The following PRMT7 variants were observed in gnomAD, a reference collection of about 807,000 sequenced individuals.
PRMT7 encodes the protein protein arginine N-methyltransferase 7.
In PRMT7, 75 loss-of-function variants were observed where a neutral mutation model predicts 85.4. The ratio of observed to expected loss-of-function variants is 0.88; its 90% confidence interval spans 0.73 to 1.06. The LOEUF (loss-of-function observed/expected upper bound fraction) is 1.06. Among genes scored for constraint, PRMT7 ranks in the 50% least tolerant of loss-of-function variants. The pLI is 0.00. For missense variants in PRMT7, 868 were observed against 915.2 expected (o/e 0.95, Z 0.67); for synonymous variants, 397 against 359.5 (o/e 1.10, Z -1.18).
intron 16 of PRMT7, chr16:68,355,331 G>A (rs1210675908): frequency 6.2e-6 from 1 of 160,896 alleles, no homozygotes; most frequent in Non-Finnish European, 1.3e-5. Context: ...CTGCCGCCAG[G>A]CACCGGGGCT....
intron 5 of PRMT7, among the ~76,000 whole-genome samples, chr16:68,327,816 G>A (rs141817737): frequency 6.6e-6 from 1 of 151,524 alleles, no homozygotes; most frequent in Non-Finnish European, 1.5e-5. Flanking sequence ...ATCTACGCCT[G>A]TAGTCCCAGC....
In PRMT7 at chr16:68,355,998, G is replaced by A. The variant is rs541947326; in HGVS notation, c.1811+115G>A. The A allele has an allele frequency of 3.1e-4, 363 of 1,162,854 alleles. 3 individuals carry two copies. In the South Asian group the frequency reaches 6.2e-3, roughly 20 times the overall value. 72.0% of individuals were successfully genotyped at this position (1,162,854 alleles called of 1,614,324 possible). On this transcript the variant is annotated intron_variant, in intron 17 of 18. Transcript: ENST00000441236. ...ACGCTGACACGTGGAGGGGGTATTC[G>A]TCCTCCCCACAACCTTGCCCTTCCC...
intron 9 of PRMT7, 128 bp downstream of exon 9, chr16:68,340,096 A>C (rs1378767838): frequency 9.3e-7 from 1 of 1,079,424 alleles, no homozygotes; most frequent in Non-Finnish European, 1.3e-6. Flanking sequence ...AATCAAAGAC[A>C]AAAGTTTTTA....
intron 16 of PRMT7, chr16:68,355,412 A>AC (rs1440479243): frequency 2.0e-5 from 5 of 243,928 alleles, no homozygotes; most frequent in Non-Finnish European, 3.9e-5. Context: ...TGTGGTGGTC[A>AC]CCAAGTTTCT....
chr16:68,347,562 C>G, intron 12 of PRMT7, 69 bp from the exon 13 acceptor site: 1 of 1,519,136 alleles, frequency 6.6e-7, no homozygotes, highest in Admixed American at 1.7e-5. Flanking sequence ...GGTCTTGTCG[C>G]ATTTTAATCT....
At chr16:68,341,646 TGACCTG>T (rs2085550433) in intron 9 of PRMT7, among the ~76,000 whole-genome samples, 1 of 152,080 alleles carries the variant, frequency 6.6e-6, no homozygotes, top group South Asian at 2.1e-4. Context: ...CGACCTCAGG[TGACCTG>T]CCCCACCGGC....
At chr16:68,346,896 G>C (rs2086482692) in intron 11 of PRMT7, among the ~76,000 whole-genome samples, 1 of 152,156 alleles carries the variant, frequency 6.6e-6, no homozygotes. Flanking sequence ...GAGGCTCTCA[G>C]CTGTCTGTGC....
intron 11 of PRMT7, among the ~76,000 whole-genome samples, chr16:68,346,966 C>T (rs574057629): frequency 1.6e-3 from 201 of 128,016 alleles, no homozygotes; most frequent in African/African-American, 5.6e-3. Context: ...GCAGGTGGTG[C>T]AGGCCTTCAG....
chr16:68,326,954 A>T (rs929678973), intron 5 of PRMT7, among the ~76,000 whole-genome samples: 12 of 152,326 alleles, frequency 7.9e-5, no homozygotes, highest in Non-Finnish European at 1.5e-4. Context: ...GGGTGGAGGC[A>T]AAGTGATTGG....
rs548788849 is a variant in PRMT7, at chr16:68,312,138, C to G, written c.-122C>G. The stretch of plus-strand genomic sequence containing the variant: ...TCAAGCGATCCTCACCTCGGCCTAC[C>G]GAGTAGCTGGGACTACAGGCACGCG... On this transcript the variant is annotated 5_prime_UTR_variant, in exon 2 of 19. Coordinates refer to ENST00000441236, the MANE Select transcript of PRMT7 (RefSeq NM_019023.5). 6.6e-6 allele frequency: 1 copy of G among 151,054 alleles called. No individual in the cohort carries two copies. Among genetic ancestry groups the G allele is most frequent in the African/African-American group, 2.4e-5 (1 of 41,108 alleles). 9.4% of individuals were successfully genotyped at this position (151,054 alleles called of 1,614,324 possible).
At position 68,352,578 on chromosome 16, in the gene PRMT7, T is replaced by G. The variant is rs2087575167; in HGVS notation, c.1575+169T>G. The G allele has an allele frequency of 7.1e-6, 4 of 559,578 alleles. No individual in the cohort carries two copies. The Admixed American group carries it at 1.1e-4, about 16-fold the overall frequency. 34.7% of individuals were successfully genotyped at this position (559,578 alleles called of 1,614,324 possible). ...TGGGGTTGAATAGAAGATGCTTGCC[T>G]TTTAAAAAATGCGATAATTTGACAT... is the stretch of plus-strand genomic sequence containing the variant. On this transcript the variant is annotated intron_variant, in intron 15 of 18. Transcript: ENST00000441236.
intron 14 of PRMT7, 86 bp downstream of exon 14, chr16:68,348,517 C>G: frequency 9.1e-7 from 1 of 1,102,270 alleles, no homozygotes; most frequent in Non-Finnish European, 1.3e-6. Context: ...CACCCTGTCC[C>G]TGGAGTCTCA....
intron 9 of PRMT7, among the ~76,000 whole-genome samples, chr16:68,344,516 C>T (rs1447600883): frequency 1.3e-5 from 2 of 152,150 alleles, no homozygotes; most frequent in Non-Finnish European, 2.9e-5. Flanking sequence ...GGTTTATATC[C>T]CGTTCTGAGT....
Position 68,324,674 on chromosome 16 carries a change from C to T in PRMT7, c.133-9C>T. 6.2e-7 allele frequency: 1 copy of T among 1,614,058 alleles called. No individual in the cohort carries two copies. Among genetic ancestry groups the T allele is most frequent in the South Asian group, 1.1e-5 (1 of 91,074 alleles). On this transcript the variant is annotated splice_polypyrimidine_tract_variant and intron_variant, in intron 4 of 18. Coordinates refer to ENST00000441236, the MANE Select transcript of PRMT7 (RefSeq NM_019023.5). Reference sequence around the variant, plus strand: ...AACTGGTAGTAAGTGACGGCCATGTCTTCCTTAGAATGTAAAATACTACCA... The same window carrying T: ...AACTGGTAGTAAGTGACGGCCATGTTTTCCTTAGAATGTAAAATACTACCA...
intron 6 of PRMT7, among the ~76,000 whole-genome samples, chr16:68,331,723 C>A: frequency 6.6e-6 from 1 of 151,748 alleles, no homozygotes; most frequent in Non-Finnish European, 1.5e-5. Flanking sequence ...ATTCTCCCAC[C>A]TCAGCATCCC....
chr16:68,347,385 C>T (rs756947704), intron 12 of PRMT7, 91 bp downstream of exon 12: 2 of 1,326,660 alleles, frequency 1.5e-6, no homozygotes, highest in South Asian at 1.4e-5. Flanking sequence ...GATCAAGGCT[C>T]TTTGCAAAGG....
chr16:68,335,587 C>T (rs1354187238), intron 6 of PRMT7, among the ~76,000 whole-genome samples: 2 of 143,748 alleles, frequency 1.4e-5, no homozygotes, highest in Non-Finnish European at 3.1e-5. Flanking sequence ...AGGAAGTGTG[C>T]TTTTTTTTTT....
chr16:68,320,245 C>T (rs1183707614), intron 3 of PRMT7, among the ~76,000 whole-genome samples: 2 of 152,122 alleles, frequency 1.3e-5, no homozygotes, highest in Non-Finnish European at 1.5e-5. Flanking sequence ...GGCTAACTGC[C>T]GAGACCAGCT....
chr16:68,313,474 A>G (rs1466698461), intron 2 of PRMT7, among the ~76,000 whole-genome samples: 1 of 152,192 alleles, frequency 6.6e-6, no homozygotes, highest in Non-Finnish European at 1.5e-5. Flanking sequence ...ACTGATTGAT[A>G]TAATGTGCAT....
Sources: gnomAD v4.1 joint callset for allele counts (sites outside exome capture counted in the v4.1 genomes callset) on GRCh38, gnomAD v4.1.1 for gene constraint, MANE v1.5 for transcripts, NCBI Gene and HGNC (gene_info 2026-07-23, HGNC 2026-07-21) for gene names.